The following UBAC2 variants were observed in gnomAD, a reference collection of about 807,000 sequenced individuals.
UBAC2 encodes ubiquitin-associated domain-containing protein 2.
A neutral mutation model predicts 44.0 loss-of-function variants in UBAC2; 26 were observed. The observed-to-expected ratio is 0.59, with a 90% confidence interval of 0.43 to 0.82. The LOEUF (loss-of-function observed/expected upper bound fraction) is 0.82, where lower values mean the gene tolerates loss of function less well. Ranked by LOEUF, UBAC2 falls within the 40% of genes least tolerant of loss-of-function variation. The pLI is 0.00. For missense variants in UBAC2, 329 were observed against 419.4 expected (o/e 0.78, Z 1.88); for synonymous variants, 155 against 154.3 (o/e 1.00, Z -0.04).
At chr13:99,334,870 G>A (rs963699755) in intron 6 of UBAC2, among the ~76,000 whole-genome samples, 4 of 151,966 alleles carry the variant, frequency 2.6e-5, no homozygotes, top group African/African-American at 9.7e-5. Flanking sequence ...ATTGCTATAT[G>A]GTATCTACAA....
intron 4 of UBAC2, among the ~76,000 whole-genome samples, chr13:99,245,152 G>T (rs1245070658): frequency 6.6e-6 from 1 of 152,056 alleles, no homozygotes; most frequent in African/African-American, 2.4e-5. Context: ...TTTTAGCTTT[G>T]AAAGTTTGTG....
intron 4 of UBAC2, among the ~76,000 whole-genome samples, chr13:99,266,208 A>G (rs1379925010): frequency 6.6e-6 from 1 of 151,538 alleles, no homozygotes; most frequent in Non-Finnish European, 1.5e-5. Flanking sequence ...TCTATATTAT[A>G]TTACATAATA....
At chr13:99,378,402 C>T (rs1053864477) in intron 8 of UBAC2, among the ~76,000 whole-genome samples, 8 of 152,136 alleles carry the variant, frequency 5.3e-5, no homozygotes, top group African/African-American at 1.9e-4. Flanking sequence ...TGGCACATGC[C>T]TGTAGTCCCA....
Position 99,254,101 on chromosome 13 carries a change from G to GA in UBAC2, c.389+9485dup, listed in dbSNP as rs1166262396. 1.3e-4 allele frequency among the ~76,000 whole-genome samples: 19 copies of GA among 151,884 alleles called. No individual in the cohort carries two copies. The East Asian group carries it at 2.3e-3, about 19-fold the overall frequency. On this transcript the variant is annotated intron_variant, in intron 4 of 8. Transcript: ENST00000403766. ...ATTTATACTGTGACATATGGCCTGG[G>GA]AAAAAAAATCAATTAACTTCTTTTG...
At chr13:99,255,765 T>C (rs755059165) in intron 4 of UBAC2, 2 of 1,613,846 alleles carry the variant, frequency 1.2e-6, no homozygotes, top group Non-Finnish European at 1.7e-6. Context: ...TAACAAATAA[T>C]CCAATTATGA....
intron 4 of UBAC2, among the ~76,000 whole-genome samples, chr13:99,264,348 G>A (rs1734272100): frequency 6.6e-6 from 1 of 152,216 alleles, no homozygotes; most frequent in South Asian, 2.1e-4. Context: ...CAGAGAACAG[G>A]CTAGGGAAGG....
Position 99,386,142 on chromosome 13 carries a change from A to T in UBAC2, c.*807A>T, listed in dbSNP as rs1403230998. The T allele has an allele frequency of 6.6e-6, 1 of 152,232 alleles. No individual in the cohort carries two copies. Among genetic ancestry groups the T allele is most frequent in the African/African-American group, 2.4e-5 (1 of 41,444 alleles). The allele number at this position is 152,232 out of a possible 1,614,324, so 9.4% of individuals were successfully genotyped here. A position where few individuals can be genotyped will look rare whatever the true frequency, so the allele number is the denominator to read the frequency against. On this transcript the variant is annotated 3_prime_UTR_variant, in exon 9 of 9. Transcript: ENST00000403766. ...GCCTGCCCCTCCCTGTGGCAGGGCTAACTGCCTGGCCCTCCTGGCTCGCAG... is the reference window on the plus strand; with the variant it reads ...GCCTGCCCCTCCCTGTGGCAGGGCTTACTGCCTGGCCCTCCTGGCTCGCAG...
intron 1 of UBAC2, chr13:99,201,579 A>T: frequency 6.2e-7 from 1 of 1,613,520 alleles, no homozygotes; most frequent in Non-Finnish European, 8.5e-7. Flanking sequence ...TAGGGGGCGG[A>T]GTATTTTTAC....
At chr13:99,288,334 C>G (rs2044046889) in intron 4 of UBAC2, among the ~76,000 whole-genome samples, 1 of 152,162 alleles carries the variant, frequency 6.6e-6, no homozygotes, top group African/African-American at 2.4e-5. Context: ...GGCCCCTGCT[C>G]TGGAGTGGTT....
intron 6 of UBAC2, among the ~76,000 whole-genome samples, chr13:99,332,679 C>T (rs1032727981): frequency 6.6e-6 from 1 of 152,204 alleles, no homozygotes; most frequent in Non-Finnish European, 1.5e-5. Context: ...AGCTTGTCTT[C>T]CCGGGCATAT....
At position 99,370,914 on chromosome 13, in the gene UBAC2, A is replaced by G. The variant is rs541724119; in HGVS notation, c.927+3008A>G. Among the ~76,000 whole-genome samples the G allele has an allele frequency of 2.0e-5, 3 of 152,360 alleles. No homozygotes were observed. In the South Asian group the frequency reaches 6.2e-4, roughly 32 times the overall value. On this transcript the variant is annotated intron_variant, in intron 8 of 8. Coordinates refer to ENST00000403766, the MANE Select transcript of UBAC2 (RefSeq NM_001144072.2). ...AAAGCCCAATAACCTGCCATGTGTA[A>G]AATCTTCCTATAACATGTTTAAAAA...
chr13:99,253,242 AT>A (rs2043481525), intron 4 of UBAC2, among the ~76,000 whole-genome samples: 1 of 152,026 alleles, frequency 6.6e-6, no homozygotes, highest in East Asian at 1.9e-4. Flanking sequence ...AGCTCTGAGA[AT>A]GTTTACATTC....
chr13:99,234,362 G>C, intron 1 of UBAC2: 1 of 321,608 alleles, frequency 3.1e-6, no homozygotes, highest in Non-Finnish European at 6.6e-6. Context: ...TAATTTTTTT[G>C]TATTTTTAGT....
intron 7 of UBAC2, among the ~76,000 whole-genome samples, chr13:99,363,277 C>G (rs1210898839): frequency 1.3e-5 from 2 of 152,258 alleles, no homozygotes; most frequent in Admixed American, 6.5e-5. Flanking sequence ...TAGAGAAATC[C>G]TTTCTTATAT....
At chr13:99,306,941 C>T (rs994950913) in intron 4 of UBAC2, among the ~76,000 whole-genome samples, 22 of 152,114 alleles carry the variant, frequency 1.4e-4, no homozygotes, top group Non-Finnish European at 2.6e-4. Context: ...TCTTATATTT[C>T]TAATAATTCC....
intron 4 of UBAC2, among the ~76,000 whole-genome samples, chr13:99,278,784 A>G (rs1380295143): frequency 6.6e-6 from 1 of 152,210 alleles, no homozygotes; most frequent in Non-Finnish European, 1.5e-5. Context: ...ACTGGTACGA[A>G]AACATTTTTA....
chr13:99,209,070 G>T (rs1191205187), intron 1 of UBAC2, among the ~76,000 whole-genome samples: 2 of 152,232 alleles, frequency 1.3e-5, no homozygotes, highest in Non-Finnish European at 2.9e-5. Flanking sequence ...CTGGGACTGC[G>T]TGTTCCTTGC....
chr13:99,287,673 C>T (rs1180898909), intron 4 of UBAC2, among the ~76,000 whole-genome samples: 3 of 118,170 alleles, frequency 2.5e-5, no homozygotes, highest in Admixed American at 1.0e-4. Flanking sequence ...TTGGTAGAGA[C>T]GAGGTTTCGC....
At chr13:99,277,965 T>C (rs1163023693) in intron 4 of UBAC2, among the ~76,000 whole-genome samples, 1 of 152,202 alleles carries the variant, frequency 6.6e-6, no homozygotes, top group Non-Finnish European at 1.5e-5. Flanking sequence ...AATTTCCTCA[T>C]GGTCTCCCCA....
Sources: gnomAD v4.1 joint callset for allele counts (sites outside exome capture counted in the v4.1 genomes callset) on GRCh38, gnomAD v4.1.1 for gene constraint, MANE v1.5 for transcripts, NCBI Gene and HGNC (gene_info 2026-07-23, HGNC 2026-07-21) for gene names.